SLC25A13: variants seen among roughly 807,000 people sequenced by gnomAD.
SLC25A13 encodes solute carrier family 25 member 13, also known as electrogenic aspartate/glutamate antiporter SLC25A13, mitochondrial.
A neutral mutation model predicts 85.5 loss-of-function variants in SLC25A13; 70 were observed. That is an observed-to-expected ratio of 0.82 (90% CI 0.68 to 1.00). SLC25A13 has a LOEUF of 1.00. Ranked by LOEUF, SLC25A13 falls within the 50% of genes least tolerant of loss-of-function variation. The pLI is 0.00. For missense variants in SLC25A13, 765 were observed against 819.8 expected (o/e 0.93, Z 0.82); for synonymous variants, 259 against 288.7 (o/e 0.90, Z 1.04).
At chr7:96,282,083 A>G (rs1007816576) in intron 2 of SLC25A13, among the ~76,000 whole-genome samples, 1 of 152,170 alleles carries the variant, frequency 6.6e-6, no homozygotes, top group Non-Finnish European at 1.5e-5. Flanking sequence ...TTCACTAGTG[A>G]GCTGAAGCCT....
At chr7:96,174,489 A>T (rs546834514) in intron 11 of SLC25A13, among the ~76,000 whole-genome samples, 4 of 152,356 alleles carry the variant, frequency 2.6e-5, no homozygotes, top group Non-Finnish European at 5.9e-5. Flanking sequence ...TACTAGTAAT[A>T]TGTGGGCATA....
chr7:96,133,030 A>G (rs1240447632), intron 14 of SLC25A13, among the ~76,000 whole-genome samples: 1 of 152,188 alleles, frequency 6.6e-6, no homozygotes, highest in Non-Finnish European at 1.5e-5. Flanking sequence ...ACTCAAGTCT[A>G]CTATAACTTA....
At chr7:96,253,193 A>G (rs189617744) in intron 3 of SLC25A13, among the ~76,000 whole-genome samples, 1 of 152,304 alleles carries the variant, frequency 6.6e-6, no homozygotes, top group African/African-American at 2.4e-5. Flanking sequence ...CAGAATCTGA[A>G]GAGGAAAGTG....
At chr7:96,286,786 GA>G (rs1406375453) in intron 2 of SLC25A13, among the ~76,000 whole-genome samples, 55 of 152,132 alleles carry the variant, frequency 3.6e-4, no homozygotes, top group Non-Finnish European at 5.9e-5. Flanking sequence ...TCAAACAAAT[GA>G]AAAGGGCAGA....
chr7:96,164,261 C>T (rs544749673), intron 13 of SLC25A13, among the ~76,000 whole-genome samples: 7 of 152,242 alleles, frequency 4.6e-5, no homozygotes, highest in East Asian at 3.9e-4. Flanking sequence ...AGGAAGCTCA[C>T]GCAGATATGC....
At position 96,306,913 on chromosome 7, in the gene SLC25A13, G is replaced by A. The variant is rs1233010883; in HGVS notation, c.16-9962C>T. ...CTCCAATCTCTCTTGCCCTTCACTT[G>A]TGTGCCTGGAGCCAGTCCCACCACA... On this transcript the variant is annotated intron_variant, in intron 1 of 17. Coordinates refer to ENST00000265631, the MANE Select transcript of SLC25A13 (RefSeq NM_014251.3). 2.9e-6 allele frequency: 3 copies of A among 1,031,896 alleles called. No homozygotes were observed. The East Asian group carries it at 7.2e-5, about 25-fold the overall frequency. The allele number at this position is 1,031,896 out of a possible 1,614,324, so 63.9% of individuals were successfully genotyped here.
At chr7:96,258,595 C>T (rs1797729040) in intron 3 of SLC25A13, among the ~76,000 whole-genome samples, 1 of 152,308 alleles carries the variant, frequency 6.6e-6, no homozygotes, top group South Asian at 2.1e-4. Context: ...ACATTCCATG[C>T]CCATGGATAG....
At chr7:96,146,861 C>CA (rs959676601) in intron 13 of SLC25A13, among the ~76,000 whole-genome samples, 165 bp from the exon 14 acceptor site, 31 of 152,128 alleles carry the variant, frequency 2.0e-4, no homozygotes, top group African/African-American at 7.5e-4. Context: ...AAGTATGAAT[C>CA]AAAATACAGT....
intron 2 of SLC25A13, among the ~76,000 whole-genome samples, chr7:96,286,080 C>T (rs372305684): frequency 8.0e-4 from 121 of 151,956 alleles, no homozygotes; most frequent in African/African-American, 1.9e-3. Context: ...GTCAGGAGAT[C>T]GAGACCATCC....
chr7:96,150,749 C>T (rs1256782591), intron 13 of SLC25A13, among the ~76,000 whole-genome samples: 1 of 152,088 alleles, frequency 6.6e-6, no homozygotes. Flanking sequence ...ACCCTGCCAA[C>T]ACCTTGATCT....
In SLC25A13 at chr7:96,121,706, A is replaced by G; in HGVS notation, c.1790T>C (p.Leu597Ser). ...TCGCTGTAGCAATTCGTAAGTCAGC[A>G]AAGTTACACCAAACTGGGGTGAGGA... ...FRSSPQFGVT[L>S]LTYELLQRWF... Residue 597 changes from leucine (L) to serine (S), a missense_variant, in exon 17 of 18, where the codon TTG (leucine) becomes TCG (serine). Leu to Ser is a moderately radical substitution (Grantham distance 145). Coordinates refer to ENST00000265631, the MANE Select transcript of SLC25A13 (RefSeq NM_014251.3). 1 of 1,614,218 alleles carries G rather than the reference A, an allele frequency of 6.2e-7. No individual in the cohort carries two copies. The highest frequency in any genetic ancestry group is 8.5e-7 in the Non-Finnish European group (1 of 1,180,036).
chr7:96,258,812 C>T (rs1470586493), intron 3 of SLC25A13, among the ~76,000 whole-genome samples: 1 of 152,204 alleles, frequency 6.6e-6, no homozygotes, highest in African/African-American at 2.4e-5. Context: ...TGACTTCAAA[C>T]TACACTATAA....
At chr7:96,192,677 G>C (rs990539105) in intron 6 of SLC25A13, among the ~76,000 whole-genome samples, 2 of 83,602 alleles carry the variant, frequency 2.4e-5, no homozygotes, top group East Asian at 7.0e-4. Flanking sequence ...TGATATACAT[G>C]TGCACTATTT....
At chr7:96,196,628 T>C (rs1330237791) in intron 5 of SLC25A13, among the ~76,000 whole-genome samples, 1 of 152,186 alleles carries the variant, frequency 6.6e-6, no homozygotes, top group Admixed American at 6.5e-5. Context: ...AGAAAGTTAT[T>C]TTAAGTCTGA....
rs547075852 is a variant in SLC25A13 at position 96,169,555 on chromosome 7, C to T, written c.1311+490G>A. Among the ~76,000 whole-genome samples the T allele has an allele frequency of 1.6e-3, 243 of 152,164 alleles. 1 individual carries two copies. The highest frequency in any genetic ancestry group is 5.6e-3 in the African/African-American group (232 of 41,504). On this transcript the variant is annotated intron_variant, in intron 13 of 17. Transcript: ENST00000265631. The stretch of plus-strand genomic sequence containing the variant: ...ATTCCAAGCATTTTTGACAATGCAG[C>T]GCACACTCAGCCAGTTATTTCCCAG...
At chr7:96,273,385 C>T (rs1798320776) in intron 3 of SLC25A13, among the ~76,000 whole-genome samples, 1 of 152,018 alleles carries the variant, frequency 6.6e-6, no homozygotes, top group African/African-American at 2.4e-5. Flanking sequence ...GTGAACACAC[C>T]AGATCTGCAA....
intron 5 of SLC25A13, among the ~76,000 whole-genome samples, chr7:96,205,986 C>A (rs1795446177): frequency 6.6e-6 from 1 of 151,670 alleles, no homozygotes; most frequent in Non-Finnish European, 1.5e-5. Context: ...CACTGCCCCA[C>A]CAATCACACA....
intron 14 of SLC25A13, among the ~76,000 whole-genome samples, chr7:96,139,502 T>C (rs1367204357): frequency 2.0e-5 from 3 of 152,236 alleles, no homozygotes; most frequent in African/African-American, 7.2e-5. Flanking sequence ...AAAACCTGAC[T>C]CCTTGAGGTA....
chr7:96,187,262 G>A (rs571225351), intron 9 of SLC25A13, among the ~76,000 whole-genome samples: 2 of 152,284 alleles, frequency 1.3e-5, no homozygotes, highest in South Asian at 4.1e-4. Flanking sequence ...ATTAAAATCA[G>A]TGAACAATGA....
Sources: allele counts gnomAD v4.1 joint callset (sites outside exome capture counted in the v4.1 genomes callset), GRCh38; gene constraint gnomAD v4.1.1; transcripts MANE v1.5; gene names NCBI Gene and HGNC (gene_info 2026-07-23, HGNC 2026-07-21).